The following MDFIC2 variants were observed in gnomAD, a reference collection of about 807,000 sequenced individuals.
MDFIC2 encodes myoD family inhibitor domain-containing protein 2.
At position 70,288,272 on chromosome 3, in the gene MDFIC2, T is replaced by C. The variant is rs1195855138; in HGVS notation, c.88+23614A>G. Among the ~76,000 whole-genome samples, 267 of 122,534 alleles carry C rather than the reference T, an allele frequency of 2.2e-3. 1 individual carries two copies. The highest frequency in any genetic ancestry group is 7.8e-3 in the African/African-American group (241 of 30,850). The allele number at this position is 122,534 out of a possible 152,430, so 80.4% of individuals were successfully genotyped here. A position where few individuals can be genotyped will look rare whatever the true frequency, so the allele number is the denominator to read the frequency against. On this transcript the variant is annotated intron_variant, in intron 2 of 3. Transcript: ENST00000567252. ...TGGTATGTTGTGTCTTTGTTCTCGT[T>C]GGTTTCAAAGAACATCTTTATTTCT...
intron 2 of MDFIC2, among the ~76,000 whole-genome samples, chr3:70,279,241 A>G (rs2106679652): frequency 6.6e-6 from 1 of 152,056 alleles, no homozygotes; most frequent in East Asian, 1.9e-4. Context: ...TGCAAAGTAC[A>G]TATTATTATT....
At chr3:70,265,119 C>T (rs1316362919) in intron 2 of MDFIC2, among the ~76,000 whole-genome samples, 1 of 152,122 alleles carries the variant, frequency 6.6e-6, no homozygotes, top group Non-Finnish European at 1.5e-5. Flanking sequence ...TGGGTCCCTC[C>T]CATGACATGT....
chr3:70,201,484 T>A (rs752084604), intron 3 of MDFIC2, among the ~76,000 whole-genome samples: 5 of 152,192 alleles, frequency 3.3e-5, no homozygotes, highest in Admixed American at 6.5e-5. Context: ...TCTTTGCTAT[T>A]GCAAATTTTG....
At chr3:70,240,547 T>C (rs1420847672) in intron 2 of MDFIC2, among the ~76,000 whole-genome samples, 1 of 152,180 alleles carries the variant, frequency 6.6e-6, no homozygotes, top group Non-Finnish European at 1.5e-5. Flanking sequence ...TATAAACAGA[T>C]GCACTGGTTG....
intron 2 of MDFIC2, among the ~76,000 whole-genome samples, chr3:70,259,416 TA>T (rs202194435): frequency 1.3e-3 from 186 of 143,808 alleles, no homozygotes; most frequent in Admixed American, 1.7e-3. Flanking sequence ...TATTGACTTT[TA>T]AAAAAAAAAA....
chr3:70,213,482 A>T (rs1701370158), intron 2 of MDFIC2, among the ~76,000 whole-genome samples: 1 of 152,090 alleles, frequency 6.6e-6, no homozygotes, highest in Admixed American at 6.6e-5. Flanking sequence ...TTTCCCTTGG[A>T]TTTAAACTAT....
rs372565150 is a variant in MDFIC2 at position 70,203,744 on chromosome 3, C to T, written c.310+2825G>A. Among the ~76,000 whole-genome samples, 48 of 152,166 alleles carry T rather than the reference C, an allele frequency of 3.2e-4. 1 individual carries two copies. The highest frequency in any genetic ancestry group is 6.8e-3 in the Middle Eastern group (2 of 294). On this transcript the variant is annotated intron_variant, in intron 3 of 3. Transcript: ENST00000567252. ...TTGTATTTATGATTTTCCTCTTCCA[C>T]CTGGATGAGATGTCTCAAATTCAAA...
Position 70,290,434 on chromosome 3 carries a change from C to T in MDFIC2, c.88+21452G>A, listed in dbSNP as rs372585120. Among the ~76,000 whole-genome samples the T allele has an allele frequency of 4.9e-3, 745 of 152,298 alleles. 8 individuals are homozygous for T. The highest frequency in any genetic ancestry group is 0.017 in the African/African-American group (705 of 41,572). On this transcript the variant is annotated intron_variant, in intron 2 of 3. Transcript: ENST00000567252. Reference sequence around the variant, plus strand: ...CTGCCCCTTCTCAGATCTCCAGCTGCGTACTGGGAGAACCACTGCTCTCTT... The same window carrying T: ...CTGCCCCTTCTCAGATCTCCAGCTGTGTACTGGGAGAACCACTGCTCTCTT...
chr3:70,262,090 C>G (rs1239110149), intron 2 of MDFIC2, among the ~76,000 whole-genome samples: 3 of 152,132 alleles, frequency 2.0e-5, no homozygotes, highest in Non-Finnish European at 4.4e-5. Flanking sequence ...CTTTTCTTTT[C>G]TCAAAAGCTG....
intron 2 of MDFIC2, chr3:70,283,508 C>G (rs1384472353): frequency 2.0e-5 from 3 of 152,132 alleles, no homozygotes; most frequent in African/African-American, 7.2e-5. Context: ...TGAGGTCAGT[C>G]TCAGAACTAG....
At chr3:70,237,645 G>A (rs1701623077) in intron 2 of MDFIC2, among the ~76,000 whole-genome samples, 1 of 152,178 alleles carries the variant, frequency 6.6e-6, no homozygotes, top group Non-Finnish European at 1.5e-5. Flanking sequence ...TGGAATCCAT[G>A]TATTGCCTAA....
chr3:70,272,615 T>C (rs1324609689), intron 2 of MDFIC2, among the ~76,000 whole-genome samples: 1 of 152,228 alleles, frequency 6.6e-6, no homozygotes, highest in Non-Finnish European at 1.5e-5. Flanking sequence ...CTTGGGTAAA[T>C]ACCTAGGAGT....
intron 2 of MDFIC2, among the ~76,000 whole-genome samples, chr3:70,235,811 A>AATAATT (rs1175371622): frequency 6.6e-6 from 1 of 152,228 alleles, no homozygotes; most frequent in Non-Finnish European, 1.5e-5. Context: ...ATAGAAAAGA[A>AATAATT]ATAATTATAG....
chr3:70,281,082 G>A (rs146986709), intron 2 of MDFIC2, among the ~76,000 whole-genome samples: 2 of 152,232 alleles, frequency 1.3e-5, no homozygotes, highest in East Asian at 3.9e-4. Flanking sequence ...AATTTTGTAT[G>A]CCTTTTCTCC....
chr3:70,271,048 A>G, intron 2 of MDFIC2, among the ~76,000 whole-genome samples: 1 of 152,114 alleles, frequency 6.6e-6, no homozygotes, highest in Non-Finnish European at 1.5e-5. Context: ...AAAAAGAAAT[A>G]TTGAAAATAA....
At chr3:70,258,888 T>G (rs1701841380) in intron 2 of MDFIC2, among the ~76,000 whole-genome samples, 1 of 152,154 alleles carries the variant, frequency 6.6e-6, no homozygotes, top group Admixed American at 6.5e-5. Flanking sequence ...TTAAATTAAA[T>G]TAAATTTTTC....
chr3:70,263,841 G>T (rs1196201935), intron 2 of MDFIC2, among the ~76,000 whole-genome samples: 9 of 152,046 alleles, frequency 5.9e-5, no homozygotes, highest in Admixed American at 5.9e-4. Context: ...TAGGCAGAAG[G>T]TCTGGGCGAT....
chr3:70,256,912 C>T (rs1442215286), intron 2 of MDFIC2, among the ~76,000 whole-genome samples: 1 of 152,186 alleles, frequency 6.6e-6, no homozygotes, highest in African/African-American at 2.4e-5. Flanking sequence ...CACATGTTCT[C>T]ACTTCCCTGG....
chr3:70,212,282 T>C (rs1701358980), intron 2 of MDFIC2, among the ~76,000 whole-genome samples: 1 of 152,174 alleles, frequency 6.6e-6, no homozygotes. Context: ...TAACTGTCTA[T>C]TGGACATTTT....
Sources: allele counts gnomAD v4.1 joint callset (sites outside exome capture counted in the v4.1 genomes callset), GRCh38; gene constraint gnomAD v4.1.1; transcripts MANE v1.5; gene names NCBI Gene and HGNC (gene_info 2026-07-23, HGNC 2026-07-21).